COL24A1: variants seen among roughly 807,000 people sequenced by gnomAD.
COL24A1 encodes collagen alpha-1(XXIV) chain.
Under a neutral mutation model 253.9 loss-of-function variants are expected in COL24A1, and 224 were observed. That is an observed-to-expected ratio of 0.88 (90% CI 0.79 to 0.99). COL24A1 has a LOEUF of 0.99. Among genes scored for constraint, COL24A1 ranks in the 50% least tolerant of loss-of-function variants. COL24A1 has a pLI of 0.00. For missense variants in COL24A1, 2,131 were observed against 2,068.5 expected, an observed-to-expected ratio of 1.03 and a Z score of -0.59; for synonymous variants, 685 against 673.7, an observed-to-expected ratio of 1.02 and a Z score of -0.26.
intron 19 of COL24A1, among the ~76,000 whole-genome samples, chr1:86,015,531 TA>T (rs1294426519): frequency 1.3e-5 from 2 of 152,164 alleles, no homozygotes; most frequent in Non-Finnish European, 1.5e-5. Flanking sequence ...ACCATACTTA[TA>T]GCAAGGAGGT....
At chr1:85,765,543 GAA>G (rs5775867) in intron 53 of COL24A1, among the ~76,000 whole-genome samples, 39 of 143,994 alleles carry the variant, frequency 2.7e-4, no homozygotes, top group South Asian at 4.4e-4. Flanking sequence ...TGTCTCTACC[GAA>G]AAAAAAAAAA....
intron 1 of COL24A1, among the ~76,000 whole-genome samples, chr1:86,149,895 A>G (rs1652503932): frequency 6.6e-6 from 1 of 152,218 alleles, no homozygotes; most frequent in South Asian, 2.1e-4. Context: ...GGTAGAGATC[A>G]ATGACTGAAA....
At chr1:85,792,978 A>C (rs1670447859) in intron 47 of COL24A1, among the ~76,000 whole-genome samples, 1 of 152,122 alleles carries the variant, frequency 6.6e-6, no homozygotes, top group African/African-American at 2.4e-5. Flanking sequence ...GTTTTGGCTC[A>C]AGACAGACTA....
intron 6 of COL24A1, among the ~76,000 whole-genome samples, chr1:86,091,974 G>A (rs1703522440): frequency 1.3e-5 from 2 of 151,952 alleles, no homozygotes; most frequent in African/African-American, 2.4e-5. Flanking sequence ...CTGCAGTTAG[G>A]ACCACATCCT....
intron 57 of COL24A1, among the ~76,000 whole-genome samples, chr1:85,743,079 T>G (rs1378912796): frequency 6.6e-6 from 1 of 152,136 alleles, no homozygotes; most frequent in African/African-American, 2.4e-5. Flanking sequence ...TTAGCTAGAG[T>G]AATATTTTAA....
At chr1:85,822,989 A>G (rs971859160) in intron 45 of COL24A1, among the ~76,000 whole-genome samples, 4 of 151,932 alleles carry the variant, frequency 2.6e-5, no homozygotes, top group Admixed American at 2.6e-4. Context: ...CTCATACTCA[A>G]TCTGCTCCTT....
At chr1:85,805,867 A>C (rs920100258) in intron 47 of COL24A1, among the ~76,000 whole-genome samples, 1 of 152,142 alleles carries the variant, frequency 6.6e-6, no homozygotes, top group African/African-American at 2.4e-5. Flanking sequence ...CGAGGTCAGG[A>C]GATCGAGACC....
chr1:86,104,873 C>T lies in COL24A1; in HGVS notation c.1599+7694G>A, dbSNP rs116248644. On this transcript the variant is annotated intron_variant, in intron 5 of 59. Coordinates refer to ENST00000370571, the MANE Select transcript of COL24A1 (RefSeq NM_152890.7). Reference sequence around the variant, plus strand: ...GTTTGCACATGCCAGCAGCAGCGGCCGAGTGGCAGGATGCTAGCGGGTGCT... The same window carrying T: ...GTTTGCACATGCCAGCAGCAGCGGCTGAGTGGCAGGATGCTAGCGGGTGCT... Among the ~76,000 whole-genome samples, 345 of 152,330 alleles carry T rather than the reference C, an allele frequency of 2.3e-3. 1 individual carries two copies. Among genetic ancestry groups the T allele is most frequent in the African/African-American group, 8.0e-3 (331 of 41,578 alleles).
At chr1:85,859,814 T>C (rs1186366797) in intron 37 of COL24A1, among the ~76,000 whole-genome samples, 1 of 152,198 alleles carries the variant, frequency 6.6e-6, no homozygotes, top group East Asian at 1.9e-4. Context: ...AATGGATTTA[T>C]TCAATAATTA....
intron 42 of COL24A1, among the ~76,000 whole-genome samples, chr1:85,839,182 G>C (rs762505106): frequency 6.6e-6 from 1 of 152,124 alleles, no homozygotes; most frequent in Non-Finnish European, 1.5e-5. Flanking sequence ...CTGGGCAACA[G>C]AGTGAGACCC....
chr1:85,899,211 AT>A (rs35150428), intron 28 of COL24A1, among the ~76,000 whole-genome samples: 1 of 151,516 alleles, frequency 6.6e-6, no homozygotes, highest in Non-Finnish European at 1.5e-5. Context: ...AACACAGCTA[AT>A]TTTTTTTTGA....
intron 32 of COL24A1, among the ~76,000 whole-genome samples, chr1:85,883,330 C>T (rs569737917): frequency 6.6e-6 from 1 of 151,972 alleles, no homozygotes; most frequent in Non-Finnish European, 1.5e-5. Context: ...AGAGATTCTC[C>T]CACTTCAGCC....
At chr1:85,765,349 CTG>C (rs869063300) in intron 53 of COL24A1, among the ~76,000 whole-genome samples, 3 of 130,828 alleles carry the variant, frequency 2.3e-5, no homozygotes, top group East Asian at 2.1e-4. Flanking sequence ...AGATTGTTCT[CTG>C]TTTTTTTTTA....
At chr1:85,948,677 A>T (rs1214786913) in intron 24 of COL24A1, among the ~76,000 whole-genome samples, 1 of 151,636 alleles carries the variant, frequency 6.6e-6, no homozygotes, top group African/African-American at 2.4e-5. Flanking sequence ...CCAAGGAGTC[A>T]AAAAACTATA....
chr1:86,146,261 G>T, intron 1 of COL24A1, 78 bp from the exon 2 acceptor site: 1 of 1,086,258 alleles, frequency 9.2e-7, no homozygotes, highest in Non-Finnish European at 1.4e-6. Context: ...AACAGTCTAT[G>T]CAAGATTAAG....
intron 57 of COL24A1, among the ~76,000 whole-genome samples, chr1:85,742,290 C>T (rs1181000324): frequency 6.6e-6 from 1 of 151,906 alleles, no homozygotes; most frequent in Non-Finnish European, 1.5e-5. Context: ...TGCCACCACA[C>T]CCGGCTAATT....
Position 85,741,404 on chromosome 1 carries a change from G to A in COL24A1, c.4672+3262C>T, listed in dbSNP as rs1664630068. On this transcript the variant is annotated intron_variant, in intron 57 of 59. Transcript: ENST00000370571. ...TTTGTTTGTTTCTGACAGTATGTGG[G>A]AGTTCCAGCAGTTTGGAACCATTTT... Among the ~76,000 whole-genome samples, 4 of 152,152 alleles carry A rather than the reference G, an allele frequency of 2.6e-5. No individual in the cohort carries two copies. The South Asian group carries it at 8.3e-4, about 32-fold the overall frequency.
At chr1:86,052,210 A>AT (rs1203429699) in intron 10 of COL24A1, among the ~76,000 whole-genome samples, 3 of 152,116 alleles carry the variant, frequency 2.0e-5, no homozygotes, top group Non-Finnish European at 4.4e-5. Context: ...AGAATGGGTG[A>AT]TTTTTCAGAG....
intron 20 of COL24A1, among the ~76,000 whole-genome samples, chr1:85,973,689 C>T (rs1215461496): frequency 6.6e-6 from 1 of 152,082 alleles, no homozygotes; most frequent in South Asian, 2.1e-4. Flanking sequence ...GAATGAGGTC[C>T]CCCTAACTCT....
Sources: allele counts gnomAD v4.1 joint callset (sites outside exome capture counted in the v4.1 genomes callset), GRCh38; gene constraint gnomAD v4.1.1; transcripts MANE v1.5; gene names NCBI Gene and HGNC (gene_info 2026-07-23, HGNC 2026-07-21).